SLC24A4: variants seen among roughly 807,000 people sequenced by gnomAD.
SLC24A4 encodes solute carrier family 24 member 4, also known as sodium/potassium/calcium exchanger 4.
Under a neutral mutation model 79.0 loss-of-function variants are expected in SLC24A4, and 53 were observed. The observed-to-expected ratio is 0.67, with a 90% confidence interval of 0.54 to 0.84. SLC24A4 has a LOEUF of 0.84. SLC24A4 is among the 40% of genes least tolerant of loss of function. The pLI is 0.00. For missense variants in SLC24A4, 731 were observed against 822.0 expected (o/e 0.89, Z 1.35); for synonymous variants, 323 against 323.8 (o/e 1.00, Z 0.03).
chr14:92,384,749 G>A (rs1422747149), intron 2 of SLC24A4, among the ~76,000 whole-genome samples: 2 of 152,128 alleles, frequency 1.3e-5, no homozygotes, highest in Non-Finnish European at 2.9e-5. Flanking sequence ...TGACCTACTG[G>A]CAGGATGCAA....
intron 2 of SLC24A4, among the ~76,000 whole-genome samples, chr14:92,376,921 A>G (rs773612848): frequency 6.6e-6 from 1 of 152,196 alleles, no homozygotes; most frequent in Non-Finnish European, 1.5e-5. Context: ...GCCACACCCC[A>G]GGACCAAGAA....
intron 2 of SLC24A4, among the ~76,000 whole-genome samples, chr14:92,380,642 A>C (rs959098607): frequency 2.6e-5 from 4 of 152,210 alleles, no homozygotes; most frequent in Admixed American, 6.5e-5. Context: ...GGCAGGTGTA[A>C]TTTATCGACT....
chr14:92,449,228 C>T lies in SLC24A4; in HGVS notation c.880+12C>T. ...ATTGCTGGGGCAAGGTAAGGCTGAG[C>T]AGACAGGAGTGGGCAGAAATGTGTC... is the stretch of plus-strand genomic sequence containing the variant. On this transcript the variant is annotated intron_variant, in intron 10 of 16. Transcript: ENST00000532405. The T allele has an allele frequency of 6.2e-7, 1 of 1,612,906 alleles. No homozygotes were observed. Among genetic ancestry groups the T allele is most frequent in the South Asian group, 1.1e-5 (1 of 91,014 alleles).
At chr14:92,361,032 G>T (rs542972319) in intron 2 of SLC24A4, among the ~76,000 whole-genome samples, 7 of 152,176 alleles carry the variant, frequency 4.6e-5, no homozygotes, top group Admixed American at 2.6e-4. Context: ...AAAGGAGAGG[G>T]TGTTGCCATC....
chr14:92,362,708 G>A (rs1887603802), intron 2 of SLC24A4, among the ~76,000 whole-genome samples: 1 of 152,226 alleles, frequency 6.6e-6, no homozygotes, highest in South Asian at 2.1e-4. Flanking sequence ...GCACCAGTGT[G>A]CTGCGTCCCA....
At chr14:92,440,465 C>G (rs1892429223) in intron 4 of SLC24A4, among the ~76,000 whole-genome samples, 1 of 152,088 alleles carries the variant, frequency 6.6e-6, no homozygotes, top group Non-Finnish European at 1.5e-5. Flanking sequence ...AGAGGGGGCC[C>G]TTGGGAAGGA....
intron 2 of SLC24A4, among the ~76,000 whole-genome samples, chr14:92,416,192 A>G (rs982642691): frequency 1.3e-5 from 2 of 151,512 alleles, no homozygotes; most frequent in Non-Finnish European, 2.9e-5. Context: ...TCTAGCCTTC[A>G]GCTTAGATGT....
chr14:92,333,156 C>T (rs746115023), intron 2 of SLC24A4, among the ~76,000 whole-genome samples: 3 of 152,170 alleles, frequency 2.0e-5, no homozygotes, highest in African/African-American at 2.4e-5. Context: ...TGCGCTGGTG[C>T]GATCTCGGCT....
intron 2 of SLC24A4, among the ~76,000 whole-genome samples, chr14:92,411,565 GGTTGTTT>G (rs1890716873): frequency 6.6e-6 from 1 of 152,154 alleles, no homozygotes; most frequent in African/African-American, 2.4e-5. Context: ...GAGCTGTCTT[GGTTGTTT>G]GTATGAGACA....
chr14:92,486,137 C>G (rs753139161), intron 13 of SLC24A4, among the ~76,000 whole-genome samples: 5 of 152,162 alleles, frequency 3.3e-5, no homozygotes, highest in Non-Finnish European at 5.9e-5. Context: ...TCTCTCACCC[C>G]CAAGGCTTTG....
At chr14:92,365,920 A>T (rs1875980925) in intron 2 of SLC24A4, among the ~76,000 whole-genome samples, 1 of 152,190 alleles carries the variant, frequency 6.6e-6, no homozygotes, top group Non-Finnish European at 1.5e-5. Flanking sequence ...ACACCACTCC[A>T]TGCTGCGTGT....
In SLC24A4 at chr14:92,366,509, T is replaced by C. The variant is rs76083338; in HGVS notation, c.241+40531T>C. On this transcript the variant is annotated intron_variant, in intron 2 of 16. Coordinates refer to ENST00000532405, the MANE Select transcript of SLC24A4 (RefSeq NM_153646.4). ...GCGTCCTGCAGCAGAAGAGAAGATATTGATTGGTGTCAGGTTTTACTGGAG... is the reference window on the plus strand; with the variant it reads ...GCGTCCTGCAGCAGAAGAGAAGATACTGATTGGTGTCAGGTTTTACTGGAG... Among the ~76,000 whole-genome samples the C allele has an allele frequency of 3.2e-3, 482 of 152,278 alleles. 3 individuals carry two copies. Among genetic ancestry groups the C allele is most frequent in the African/African-American group, 0.011 (459 of 41,558 alleles).
chr14:92,371,894 G>C (rs539896205), intron 2 of SLC24A4, among the ~76,000 whole-genome samples: 49 of 152,360 alleles, frequency 3.2e-4, no homozygotes, highest in South Asian at 3.1e-3. Flanking sequence ...AAGCACCAAG[G>C]CAGGGGCCAT....
chr14:92,442,029 C>T (rs1892526948), intron 4 of SLC24A4, 60 bp from the exon 5 acceptor site: 7 of 1,342,288 alleles, frequency 5.2e-6, no homozygotes, highest in Non-Finnish European at 7.5e-6. Context: ...TGTAGAGCGT[C>T]CAGTGATGTC....
chr14:92,484,108 G>A (rs1895228129), intron 13 of SLC24A4: 2 of 985,390 alleles, frequency 2.0e-6, no homozygotes, highest in Non-Finnish European at 1.2e-6. Flanking sequence ...AATGAAAAGA[G>A]AGCCCAGCAC....
rs370133202 is a variant in SLC24A4, at chr14:92,442,147, C to T, written c.452C>T (p.Thr151Met). Residue 151 changes from threonine to methionine, a missense_variant, in exon 5 of 17, where the codon ACG becomes ATG. Transcript: ENST00000532405. ...ACCTTCATGGCTGCAGGAAGCTCAA[C>T]GCCAGAGCTGTTTGCGTCTGTTATT... ...GATFMAAGSS[T>M]PELFASVIGV... The T allele has an allele frequency of 8.4e-5, 135 of 1,613,726 alleles. No individual in the cohort carries two copies. Among genetic ancestry groups the T allele is most frequent in the Non-Finnish European group, 1.1e-4 (126 of 1,179,888 alleles).
In SLC24A4 at chr14:92,493,588, T is replaced by C; in HGVS notation, c.1829T>C (p.Phe610Ser). 1 of 1,614,202 alleles carries C rather than the reference T, an allele frequency of 6.2e-7. No homozygotes were observed. The highest frequency in any genetic ancestry group is 8.5e-7 in the Non-Finnish European group (1 of 1,180,034). ...TCCATAATGATAGAGTTTAACGTCT[T>C]TACCTTCGTCAACTTGCCGATGTGC... is the stretch of plus-strand genomic sequence containing the variant. ...CFSIMIEFNV[F>S]TFVNLPMCRE... The change falls in exon 17 of 17, where the codon TTT becomes TCT. Residue 610 changes from phenylalanine to serine, a missense_variant. Transcript: ENST00000532405.
rs1163593770 is a variant in SLC24A4 at position 92,441,372 on chromosome 14, G to A, written c.394-717G>A. Among the ~76,000 whole-genome samples the A allele has an allele frequency of 6.6e-6, 1 of 152,216 alleles. No homozygotes were observed. The highest frequency in any genetic ancestry group is 1.5e-5 in the Non-Finnish European group (1 of 68,036). ...AGACATGACCCGGACAGGCAGAACA[G>A]GCCCCAACCATGAGTTCCCGTCCTG... On this transcript the variant is annotated intron_variant, in intron 4 of 16. Coordinates refer to ENST00000532405, the MANE Select transcript of SLC24A4 (RefSeq NM_153646.4). This position sits in a 1 kb window ranked among gnomAD's most constrained non-coding sequence, Gnocchi z 4.6.
intron 2 of SLC24A4, among the ~76,000 whole-genome samples, chr14:92,352,985 C>T (rs564746451): frequency 4.6e-5 from 7 of 152,152 alleles, no homozygotes; most frequent in Non-Finnish European, 1.0e-4. Context: ...CAGTACGGGG[C>T]ATTTAAAAAC....
Sources: allele counts gnomAD v4.1 joint callset (sites outside exome capture counted in the v4.1 genomes callset), GRCh38; gene constraint gnomAD v4.1.1; non-coding constraint Gnocchi (gnomAD v3.1); transcripts MANE v1.5; gene names NCBI Gene and HGNC (gene_info 2026-07-23, HGNC 2026-07-21).